GSK3B: variants seen among roughly 807,000 people sequenced by gnomAD.
The protein encoded by GSK3B is glycogen synthase kinase-3 beta.
GSK3B carries 15 observed loss-of-function variants against 56.4 expected under a neutral mutation model. The ratio of observed to expected loss-of-function variants is 0.27; its 90% CI spans 0.18 to 0.41. GSK3B has a LOEUF of 0.41. GSK3B is among the 10% of genes least tolerant of loss of function. The pLI is 1.00. For missense variants in GSK3B, 300 were observed against 513.4 expected, an observed-to-expected ratio of 0.58 and a Z score of 4.02; for synonymous variants, 181 against 188.9, an observed-to-expected ratio of 0.96 and a Z score of 0.34.
chr3:120,089,488 G>A (rs977533349), intron 1 of GSK3B, among the ~76,000 whole-genome samples: 1 of 152,074 alleles, frequency 6.6e-6, no homozygotes, highest in East Asian at 1.9e-4. Flanking sequence ...AGGGGAATAC[G>A]GAAACTCTAA....
intron 2 of GSK3B, among the ~76,000 whole-genome samples, chr3:119,994,272 G>A (rs1169955198): frequency 1.3e-5 from 2 of 151,916 alleles, no homozygotes; most frequent in African/African-American, 2.4e-5. Flanking sequence ...CAATGAGTCC[G>A]TATGATATAT....
chr3:119,902,300 T>C (rs888713958), intron 7 of GSK3B, among the ~76,000 whole-genome samples: 12 of 152,134 alleles, frequency 7.9e-5, no homozygotes, highest in Admixed American at 3.9e-4. Flanking sequence ...TGAAACCTCA[T>C]ATATATTTAA....
At chr3:119,972,901 C>G (rs2057380355) in intron 2 of GSK3B, among the ~76,000 whole-genome samples, 1 of 152,086 alleles carries the variant, frequency 6.6e-6, no homozygotes, top group African/African-American at 2.4e-5. Flanking sequence ...AAAAGAGCCA[C>G]GTTTGTTACA....
At chr3:119,829,491 C>T (rs1394725758) in intron 10 of GSK3B, among the ~76,000 whole-genome samples, 3 of 152,210 alleles carry the variant, frequency 2.0e-5, no homozygotes, top group Admixed American at 1.3e-4. Flanking sequence ...ACATCAGCAC[C>T]CATGCCAACA....
chr3:120,029,838 G>A (rs976622475), intron 1 of GSK3B: 2 of 551,604 alleles, frequency 3.6e-6, no homozygotes, highest in African/African-American at 1.9e-5. Context: ...GAGGACTAAT[G>A]GCCCCCAAAA....
At chr3:120,015,224 T>C (rs1203500631) in intron 1 of GSK3B, among the ~76,000 whole-genome samples, 1 of 152,204 alleles carries the variant, frequency 6.6e-6, no homozygotes, top group Non-Finnish European at 1.5e-5. Context: ...TTATTAGCAG[T>C]GGAAATAGGA....
At chr3:119,851,828 T>C (rs529760713) in intron 9 of GSK3B, among the ~76,000 whole-genome samples, 11 of 152,336 alleles carry the variant, frequency 7.2e-5, no homozygotes, top group Admixed American at 1.3e-4. Context: ...TTTCTCTCTA[T>C]TCACAAAAAG....
chr3:119,856,350 G>C (rs2056022873), intron 9 of GSK3B, among the ~76,000 whole-genome samples: 1 of 152,104 alleles, frequency 6.6e-6, no homozygotes, highest in Non-Finnish European at 1.5e-5. Context: ...CTGGTCTTCT[G>C]TAAGTATATC....
rs536291870 is a variant in GSK3B at position 119,850,916 on chromosome 3, G to A, written c.1097-7563C>T. On this transcript the variant is annotated intron_variant, in intron 9 of 10. Transcript: ENST00000264235. The stretch of plus-strand genomic sequence containing the variant: ...TGGGACAGCTCTGGAGAAGTGAGAG[G>A]AAAATGAAAAATAGGAAGGATAAAA... Among the ~76,000 whole-genome samples the A allele has an allele frequency of 2.0e-5, 3 of 152,082 alleles. No homozygotes were observed. The South Asian group carries it at 6.2e-4, about 32-fold the overall frequency.
At chr3:120,042,432 T>C (rs2058071333) in intron 1 of GSK3B, among the ~76,000 whole-genome samples, 1 of 152,232 alleles carries the variant, frequency 6.6e-6, no homozygotes, top group Admixed American at 6.5e-5. Context: ...TATAGATAGT[T>C]GCTTTATATG....
At chr3:120,029,781 C>T (rs1157230850) in intron 1 of GSK3B, 1 of 554,750 alleles carries the variant, frequency 1.8e-6, no homozygotes, top group Non-Finnish European at 3.7e-6. Flanking sequence ...TGGTCATTAA[C>T]TGTTTTGGAA....
At chr3:119,857,575 C>T (rs1053426591) in intron 9 of GSK3B, among the ~76,000 whole-genome samples, 2 of 152,194 alleles carry the variant, frequency 1.3e-5, no homozygotes, top group African/African-American at 4.8e-5. Flanking sequence ...TTACTATTTT[C>T]ACCACATCTG....
intron 3 of GSK3B, among the ~76,000 whole-genome samples, chr3:119,937,285 G>T (rs1475360828): frequency 6.6e-6 from 1 of 152,064 alleles, no homozygotes; most frequent in African/African-American, 2.4e-5. Context: ...CTCATGAATG[G>T]AATTGTGCCT....
chr3:119,863,700 A>G (rs1044770071), intron 8 of GSK3B, 95 bp from the exon 9 acceptor site: 30 of 755,424 alleles, frequency 4.0e-5, no homozygotes, highest in Non-Finnish European at 6.3e-5. Context: ...CACCATGTAC[A>G]GAAACATGGT....
At chr3:120,066,283 T>A (rs1017990268) in intron 1 of GSK3B, among the ~76,000 whole-genome samples, 1 of 152,042 alleles carries the variant, frequency 6.6e-6, no homozygotes, top group Non-Finnish European at 1.5e-5. Flanking sequence ...TAATGACTGG[T>A]TCTAGATATC....
intron 1 of GSK3B, among the ~76,000 whole-genome samples, chr3:120,071,345 C>G (rs2058324667): frequency 6.6e-6 from 1 of 152,136 alleles, no homozygotes; most frequent in Admixed American, 6.5e-5. Flanking sequence ...ATATGAGTAT[C>G]CTATATATTA....
intron 7 of GSK3B, among the ~76,000 whole-genome samples, chr3:119,895,056 T>C (rs1014003907): frequency 3.3e-5 from 5 of 152,190 alleles, no homozygotes; most frequent in African/African-American, 7.2e-5. Context: ...TGTCTAACTA[T>C]AATTTTGTAC....
At chr3:119,829,848 T>C (rs1454521335) in intron 10 of GSK3B, among the ~76,000 whole-genome samples, 2 of 152,254 alleles carry the variant, frequency 1.3e-5, no homozygotes, top group African/African-American at 4.8e-5. Context: ...TATTTTTCTC[T>C]TGAATTATTT....
At chr3:119,965,784 C>T (rs765495724) in intron 2 of GSK3B, among the ~76,000 whole-genome samples, 5 of 151,982 alleles carry the variant, frequency 3.3e-5, no homozygotes, top group Admixed American at 6.6e-5. Flanking sequence ...GTACCTCACA[C>T]AGAGTGTCTG....
Sources: gnomAD v4.1 joint callset for allele counts (sites outside exome capture counted in the v4.1 genomes callset) on GRCh38, gnomAD v4.1.1 for gene constraint, MANE v1.5 for transcripts, NCBI Gene and HGNC (gene_info 2026-07-23, HGNC 2026-07-21) for gene names.